EPB41L2: variants seen among roughly 807,000 people sequenced by gnomAD.
EPB41L2 encodes erythrocyte membrane protein band 4.1 like 2, also known as band 4.1-like protein 2.
In EPB41L2, 43 loss-of-function variants were observed where a neutral mutation model predicts 113.0. The observed-to-expected ratio is 0.38, with a 90% CI of 0.30 to 0.49. The LOEUF is 0.49. EPB41L2 is among the 20% of genes least tolerant of loss of function. The pLI, the probability that EPB41L2 is intolerant of heterozygous loss-of-function variation, is 0.95. For missense variants in EPB41L2, 1,147 were observed against 1,223.4 expected, an observed-to-expected ratio of 0.94 and a Z score of 0.93; for synonymous variants, 442 against 436.7, an observed-to-expected ratio of 1.01 and a Z score of -0.15.
At chr6:130,872,253 A>G (rs976899908) in intron 14 of EPB41L2, 2 of 746,588 alleles carry the variant, frequency 2.7e-6, no homozygotes, top group African/African-American at 3.7e-5. Flanking sequence ...TGTTTCTCCC[A>G]GGAAGAATTA....
chr6:130,963,715 G>A (rs774648100), intron 1 of EPB41L2, among the ~76,000 whole-genome samples: 21 of 152,278 alleles, frequency 1.4e-4, no homozygotes, highest in Non-Finnish European at 2.4e-4. Context: ...AAATAGATAC[G>A]ATTTCCTGAA....
At chr6:130,964,597 G>T (rs540400497) in intron 1 of EPB41L2, among the ~76,000 whole-genome samples, 5 of 151,626 alleles carry the variant, frequency 3.3e-5, no homozygotes, top group Non-Finnish European at 7.4e-5. Context: ...CATAATAAAT[G>T]ATCAGCTACT....
chr6:130,992,917 C>T (rs1198730961), intron 1 of EPB41L2, among the ~76,000 whole-genome samples: 2 of 152,180 alleles, frequency 1.3e-5, no homozygotes, highest in Non-Finnish European at 2.9e-5. Context: ...AGCCACCGCA[C>T]CCAGCCCCAA....
At chr6:130,844,300 C>T (rs145168478) in intron 19 of EPB41L2, among the ~76,000 whole-genome samples, 7,431 of 152,212 alleles carry the variant, frequency 0.049, 416 homozygotes, top group East Asian at 0.27. Context: ...TGGTGGCTGA[C>T]GCCTGTAATC....
intron 1 of EPB41L2, among the ~76,000 whole-genome samples, chr6:131,025,615 C>A (rs1790687227): frequency 6.6e-6 from 1 of 152,192 alleles, no homozygotes; most frequent in South Asian, 2.1e-4. Context: ...GCTTTCACTC[C>A]AGAGTTGCCT....
intron 1 of EPB41L2, among the ~76,000 whole-genome samples, chr6:131,013,000 G>A (rs753720761): frequency 5.9e-5 from 9 of 152,012 alleles, no homozygotes; most frequent in South Asian, 2.1e-4. Flanking sequence ...TCCAAATCCC[G>A]GTTCCAACTA....
chr6:131,051,519 T>C (rs1373046123), intron 1 of EPB41L2, among the ~76,000 whole-genome samples: 1 of 144,362 alleles, frequency 6.9e-6, no homozygotes, highest in Non-Finnish European at 1.5e-5. Flanking sequence ...GGCCAGCAGA[T>C]ATGTCAACAA....
At chr6:130,870,241 T>C (rs2128448705) in intron 14 of EPB41L2, 115 bp from the exon 15 acceptor site, 5 of 1,531,672 alleles carry the variant, frequency 3.3e-6, no homozygotes, top group East Asian at 2.4e-5. Context: ...AAGATGATTA[T>C]GATGGCTGAC....
At chr6:131,055,091 C>T (rs111418062) in intron 1 of EPB41L2, among the ~76,000 whole-genome samples, 1,585 of 152,286 alleles carry the variant, frequency 0.01, 39 homozygotes, top group African/African-American at 0.037. Flanking sequence ...GATCATGACC[C>T]TCATTCTTTT....
At chr6:130,843,302 T>G (rs1776073220) in intron 19 of EPB41L2, among the ~76,000 whole-genome samples, 1 of 152,188 alleles carries the variant, frequency 6.6e-6, no homozygotes, top group Admixed American at 6.5e-5. Flanking sequence ...GAAATAAACT[T>G]AATATCTGAC....
At position 130,865,642 on chromosome 6, in the gene EPB41L2, T is replaced by G; in HGVS notation, c.2731-8A>C. ...ACCAGCCCCGCCATCAATCTTTGGA[T>G]AGTTGGGGGAAAAATACAAAGTAAT... On this transcript the variant is annotated splice_region_variant and splice_polypyrimidine_tract_variant and intron_variant, in intron 16 of 19. Coordinates refer to ENST00000337057, the MANE Select transcript of EPB41L2 (RefSeq NM_001431.4). 6.2e-7 allele frequency: 1 copy of G among 1,613,946 alleles called. No homozygotes were observed. Among genetic ancestry groups the G allele is most frequent in the African/African-American group, 1.3e-5 (1 of 75,038 alleles).
At chr6:130,924,160 C>A (rs1803828846) in intron 4 of EPB41L2, among the ~76,000 whole-genome samples, 1 of 152,174 alleles carries the variant, frequency 6.6e-6, no homozygotes, top group Non-Finnish European at 1.5e-5. Context: ...GGATTTCCTT[C>A]TTTCTCAAGG....
intron 1 of EPB41L2, among the ~76,000 whole-genome samples, chr6:130,972,142 G>A (rs542669328): frequency 6.6e-6 from 1 of 152,138 alleles, no homozygotes; most frequent in East Asian, 1.9e-4. Context: ...TGGCCAACAT[G>A]GCAAAACCCC....
chr6:131,035,060 G>A (rs1439186344), intron 1 of EPB41L2, among the ~76,000 whole-genome samples: 2 of 152,132 alleles, frequency 1.3e-5, no homozygotes, highest in Non-Finnish European at 2.9e-5. Context: ...CTACCAGTTT[G>A]GGAGCTCTTA....
intron 18 of EPB41L2, among the ~76,000 whole-genome samples, chr6:130,861,529 C>A (rs942265189): frequency 6.6e-6 from 1 of 152,032 alleles, no homozygotes; most frequent in Non-Finnish European, 1.5e-5. Context: ...GAAAGTGAAC[C>A]CCCAACAGCT....
chr6:130,871,498 C>T (rs1297951187), intron 14 of EPB41L2, among the ~76,000 whole-genome samples: 2 of 152,288 alleles, frequency 1.3e-5, no homozygotes, highest in East Asian at 3.9e-4. Context: ...GACAGCAGGG[C>T]TGAGTTCATC....
chr6:131,059,321 A>G (rs144461471), intron 1 of EPB41L2, among the ~76,000 whole-genome samples: 2,217 of 152,164 alleles, frequency 0.015, 53 homozygotes, highest in African/African-American at 0.051. Flanking sequence ...TCACCGTGTT[A>G]GCCAGGATGG....
chr6:130,893,299 G>A (rs940158224), intron 10 of EPB41L2, among the ~76,000 whole-genome samples: 1 of 152,170 alleles, frequency 6.6e-6, no homozygotes, highest in Non-Finnish European at 1.5e-5. Flanking sequence ...TCAAAGCAGA[G>A]GAATGATTAT....
intron 3 of EPB41L2, among the ~76,000 whole-genome samples, chr6:130,952,307 T>C (rs1044397895): frequency 1.1e-4 from 14 of 130,620 alleles, no homozygotes; most frequent in African/African-American, 1.5e-4. Flanking sequence ...ACTAGGTATC[T>C]ACCCTGAAGA....
Sources: allele counts gnomAD v4.1 joint callset (sites outside exome capture counted in the v4.1 genomes callset), GRCh38; gene constraint gnomAD v4.1.1; transcripts MANE v1.5; gene names NCBI Gene and HGNC (gene_info 2026-07-23, HGNC 2026-07-21).